PDSS2: variants seen among roughly 807,000 people sequenced by gnomAD.
The protein encoded by PDSS2 is all trans-polyprenyl-diphosphate synthase PDSS2.
In PDSS2, 31 loss-of-function variants were observed where a neutral mutation model predicts 44.5. The observed-to-expected ratio is 0.70, with a 90% CI of 0.52 to 0.94. PDSS2 has a LOEUF of 0.94. Among genes scored for constraint, PDSS2 ranks in the 40% least tolerant of loss-of-function variants. The probability of loss-of-function intolerance (pLI) is 0.00; values close to 1 mark genes in which losing one functional copy is unlikely to be tolerated. For synonymous variants in PDSS2, 157 were observed against 180.3 expected, an observed-to-expected ratio of 0.87 and a Z score of 1.03; for missense variants, 452 against 482.2, an observed-to-expected ratio of 0.94 and a Z score of 0.59.
chr6:107,408,096 T>C (rs1236405739), intron 1 of PDSS2, among the ~76,000 whole-genome samples: 27 of 152,090 alleles, frequency 1.8e-4, no homozygotes, highest in Middle Eastern at 3.4e-3. Context: ...GGCATGATCT[T>C]GGCTCACTGC....
At chr6:107,221,375 A>C in intron 4 of PDSS2, among the ~76,000 whole-genome samples, 2 of 148,402 alleles carry the variant, frequency 1.3e-5, no homozygotes, top group African/African-American at 2.5e-5. Context: ...AAAAAGATAC[A>C]CCTATATCAT....
intron 1 of PDSS2, among the ~76,000 whole-genome samples, chr6:107,425,292 C>G (rs920194726): frequency 1.3e-5 from 2 of 150,458 alleles, no homozygotes; most frequent in African/African-American, 2.4e-5. Flanking sequence ...AACTGGGTAA[C>G]AGGCAGAGGT....
At chr6:107,333,673 C>T (rs1777782387) in intron 2 of PDSS2, among the ~76,000 whole-genome samples, 1 of 152,114 alleles carries the variant, frequency 6.6e-6, no homozygotes, top group Non-Finnish European at 1.5e-5. Flanking sequence ...GTAACAGGGA[C>T]TACAGGCACA....
intron 4 of PDSS2, among the ~76,000 whole-genome samples, chr6:107,227,478 G>A (rs966484208): frequency 2.3e-4 from 34 of 151,080 alleles, no homozygotes; most frequent in African/African-American, 8.0e-4. Context: ...TAGTAAAGGC[G>A]GGTTTCACCA....
intron 1 of PDSS2, among the ~76,000 whole-genome samples, chr6:107,428,256 T>A (rs1668327070): frequency 6.6e-6 from 1 of 152,232 alleles, no homozygotes; most frequent in African/African-American, 2.4e-5. Flanking sequence ...ACAAGTGGTA[T>A]AGCTTCAAAA....
intron 1 of PDSS2, among the ~76,000 whole-genome samples, chr6:107,399,979 C>G (rs1347411467): frequency 3.3e-5 from 5 of 152,068 alleles, no homozygotes; most frequent in Admixed American, 6.6e-5. Context: ...GTGAAAGAAA[C>G]TTCAGATACT....
chr6:107,246,945 G>T (rs1019619624), intron 3 of PDSS2, among the ~76,000 whole-genome samples: 2 of 152,212 alleles, frequency 1.3e-5, no homozygotes, highest in Admixed American at 1.3e-4. Flanking sequence ...CAGAGGAACT[G>T]GAAGGACAAT....
At chr6:107,366,756 A>G (rs1327939848) in intron 1 of PDSS2, among the ~76,000 whole-genome samples, 3 of 152,020 alleles carry the variant, frequency 2.0e-5, no homozygotes, top group Non-Finnish European at 4.4e-5. Flanking sequence ...CTAGAGAGTC[A>G]GACATTTCCG....
chr6:107,158,718 T>C (rs1375309745), intron 7 of PDSS2, among the ~76,000 whole-genome samples: 1 of 142,948 alleles, frequency 7.0e-6, no homozygotes, highest in Non-Finnish European at 1.5e-5. Flanking sequence ...ATGGAAACCA[T>C]TTAACTGTTT....
chr6:107,452,373 C>T (rs1344446944), intron 1 of PDSS2, among the ~76,000 whole-genome samples: 1 of 151,890 alleles, frequency 6.6e-6, no homozygotes, highest in Non-Finnish European at 1.5e-5. Context: ...GCTTGAACTA[C>T]AGGCACCCAC....
chr6:107,456,778 A>G (rs1160071163), intron 1 of PDSS2, among the ~76,000 whole-genome samples: 1 of 152,174 alleles, frequency 6.6e-6, no homozygotes, highest in Non-Finnish European at 1.5e-5. Flanking sequence ...CCTGGGCTCA[A>G]GCAATCTTTC....
At chr6:107,439,668 T>C (rs532968228) in intron 1 of PDSS2, among the ~76,000 whole-genome samples, 1 of 152,354 alleles carries the variant, frequency 6.6e-6, no homozygotes, top group Non-Finnish European at 1.5e-5. Context: ...AAAGCCTCCT[T>C]GTGAGAAGCA....
chr6:107,273,533 T>C (rs1217004677), intron 3 of PDSS2, among the ~76,000 whole-genome samples: 2 of 152,086 alleles, frequency 1.3e-5, no homozygotes, highest in African/African-American at 4.8e-5. Flanking sequence ...CTGGATATTA[T>C]AGAAAAAGTT....
intron 2 of PDSS2, among the ~76,000 whole-genome samples, chr6:107,314,578 C>A (rs1013859395): frequency 1.8e-4 from 28 of 152,146 alleles, no homozygotes; most frequent in African/African-American, 6.5e-4. Context: ...AATCATGCTG[C>A]TTTCCAGAGA....
chr6:107,235,615 T>A (rs1774196731), intron 4 of PDSS2, among the ~76,000 whole-genome samples: 1 of 152,108 alleles, frequency 6.6e-6, no homozygotes, highest in Admixed American at 6.6e-5. Context: ...CAAAACTATC[T>A]AGCATCCAAC....
chr6:107,236,240 G>A (rs1414088317), intron 4 of PDSS2, among the ~76,000 whole-genome samples: 1 of 152,118 alleles, frequency 6.6e-6, no homozygotes, highest in Non-Finnish European at 1.5e-5. Flanking sequence ...AATATGGAAG[G>A]AAAACTAAAT....
chr6:107,420,005 C>A (rs779650252), intron 1 of PDSS2, among the ~76,000 whole-genome samples: 1 of 152,106 alleles, frequency 6.6e-6, no homozygotes, highest in Non-Finnish European at 1.5e-5. Context: ...AAACCTAAAC[C>A]GAAGTCCCTG....
chr6:107,313,434 C>T (rs1289598743), intron 2 of PDSS2, among the ~76,000 whole-genome samples: 2 of 152,118 alleles, frequency 1.3e-5, no homozygotes, highest in African/African-American at 2.4e-5. Context: ...CTCACTGCAA[C>T]CTCTGCCTCC....
chr6:107,211,353 AG>A (rs2114629661), intron 5 of PDSS2, among the ~76,000 whole-genome samples: 1 of 152,202 alleles, frequency 6.6e-6, no homozygotes, highest in African/African-American at 2.4e-5. Flanking sequence ...GCCCATTCAA[AG>A]AATTAGTTAT....
Sources: gnomAD v4.1 joint callset for allele counts (sites outside exome capture counted in the v4.1 genomes callset) on GRCh38, gnomAD v4.1.1 for gene constraint, MANE v1.5 for transcripts, NCBI Gene and HGNC (gene_info 2026-07-23, HGNC 2026-07-21) for gene names.